SHANK2: variants seen among roughly 807,000 people sequenced by gnomAD.
SHANK2 encodes SH3 and multiple ankyrin repeat domains protein 2.
Under a neutral mutation model 133.7 loss-of-function variants are expected in SHANK2, and 43 were observed. The ratio of observed to expected loss-of-function variants is 0.32; its 90% CI spans 0.25 to 0.41. SHANK2 has a LOEUF of 0.41. Ranked by LOEUF, SHANK2 falls within the 10% of genes least tolerant of loss-of-function variation. SHANK2 has a pLI of 1.00. For missense variants in SHANK2, 1,994 were observed against 2,235.8 expected, an observed-to-expected ratio of 0.89 and a Z score of 2.18; for synonymous variants, 1,017 against 952.8, an observed-to-expected ratio of 1.07 and a Z score of -1.24.
intron 13 of SHANK2, among the ~76,000 whole-genome samples, 179 bp from the exon 14 acceptor site, chr11:70,798,735 C>T (rs527404373): frequency 6.6e-5 from 10 of 152,260 alleles, no homozygotes; most frequent in East Asian, 3.9e-4. Flanking sequence ...TAAGAGGCAC[C>T]GGGGCATCAC....
chr11:71,234,183 T>TTAA (rs1954792775), intron 1 of SHANK2, among the ~76,000 whole-genome samples: 1 of 35,472 alleles, frequency 2.8e-5, no homozygotes, highest in Non-Finnish European at 4.6e-5. Context: ...CCCTCTCTAC[T>TTAA]AAAAAAAAAA....
intron 8 of SHANK2, among the ~76,000 whole-genome samples, chr11:71,085,852 AT>A (rs1951392394): frequency 4.2e-3 from 8 of 1,886 alleles, no homozygotes; most frequent in Non-Finnish European, 5.7e-3. Flanking sequence ...AATAATATAT[AT>A]TGTTATTTTA....
chr11:70,943,899 C>T (rs1555084827), intron 10 of SHANK2: 1 of 455,758 alleles, frequency 2.2e-6, no homozygotes, highest in Non-Finnish European at 4.4e-6. Flanking sequence ...AAATAGCAAA[C>T]ATCTGATCAT....
rs181153352 is a variant in SHANK2 at position 71,228,028 on chromosome 11, A to G, written c.-112-3232T>C. Among the ~76,000 whole-genome samples, 481 of 152,296 alleles carry G rather than the reference A, an allele frequency of 3.2e-3. 3 individuals carry two copies. The highest frequency in any genetic ancestry group is 0.011 in the African/African-American group (462 of 41,582). ...AAACTCTAGCAAGACTGACCAAGAAAAAAAAACAACACAAATTACCAATAC... is the reference window on the plus strand; with the variant it reads ...AAACTCTAGCAAGACTGACCAAGAAGAAAAAACAACACAAATTACCAATAC... On this transcript the variant is annotated intron_variant, in intron 1 of 25. Coordinates refer to ENST00000601538, the MANE Select transcript of SHANK2 (RefSeq NM_012309.5).
At chr11:70,715,512 C>T (rs1945894458) in intron 14 of SHANK2, among the ~76,000 whole-genome samples, 1 of 152,148 alleles carries the variant, frequency 6.6e-6, no homozygotes, top group Non-Finnish European at 1.5e-5. Flanking sequence ...GTGATGCTTC[C>T]CAATTACCAC....
At chr11:70,936,019 G>A (rs1018808468) in intron 10 of SHANK2, among the ~76,000 whole-genome samples, 3 of 152,130 alleles carry the variant, frequency 2.0e-5, no homozygotes, top group Admixed American at 1.3e-4. Context: ...GGAGGCCTGC[G>A]GCTGAGGTCT....
rs1953719422 is a variant in SHANK2 at position 71,188,384 on chromosome 11, CCCTCA to C, written c.-13+36308_-13+36312del. ...ATGCCCAGGCCTCAGTACACACCAT[CCCTCA>C]GCAAGTTGTGCGTTCCCAACCAGGA... On this transcript the variant is annotated intron_variant, in intron 2 of 25. Coordinates refer to ENST00000601538, the MANE Select transcript of SHANK2 (RefSeq NM_012309.5). This position sits in a 1 kb window ranked among gnomAD's most constrained non-coding sequence, Gnocchi z 4.6. Among the ~76,000 whole-genome samples the C allele has an allele frequency of 6.6e-6, 1 of 152,160 alleles. No homozygotes were observed. The highest frequency in any genetic ancestry group is 6.5e-5 in the Admixed American group (1 of 15,272).
chr11:71,229,697 T>G (rs1555122703), intron 1 of SHANK2, among the ~76,000 whole-genome samples: 1 of 147,988 alleles, frequency 6.8e-6, no homozygotes, highest in African/African-American at 2.5e-5. Flanking sequence ...GAGTTGGAGG[T>G]TGCAGTGAGC....
At chr11:70,643,924 G>C (rs533923050) in intron 17 of SHANK2, among the ~76,000 whole-genome samples, 9 of 151,998 alleles carry the variant, frequency 5.9e-5, no homozygotes, top group Non-Finnish European at 1.3e-4. Flanking sequence ...TGGAGGGGGG[G>C]GAGGAACACA....
intron 17 of SHANK2, among the ~76,000 whole-genome samples, chr11:70,615,804 C>T (rs1433824464): frequency 4.6e-5 from 7 of 152,200 alleles, no homozygotes; most frequent in Non-Finnish European, 2.9e-5. Flanking sequence ...GAAGCCCACC[C>T]ACCCACAGGT....
intron 1 of SHANK2, among the ~76,000 whole-genome samples, chr11:71,246,474 C>G (rs933702589): frequency 2.0e-5 from 3 of 152,206 alleles, no homozygotes; most frequent in African/African-American, 7.2e-5. Flanking sequence ...ACTGCCTTCA[C>G]GTAAGTATCA....
rs1555012797 is a variant in SHANK2 at position 70,659,896 on chromosome 11, G to A, written c.1993C>T (p.Leu665=). The change falls in exon 17 of 26, where the codon CTG becomes TTG. Residue 665 remains leucine, a synonymous_variant. Transcript: ENST00000601538. ...PTPAFPALQY[L]ESVDEGGVAW... ...ACCCCACCTTCATCCACGGACTCCA[G>A]GTACTGTAGGGCTGGGAAAGCCGGT... 11 of 1,614,192 alleles carry A rather than the reference G, an allele frequency of 6.8e-6. No individual in the cohort carries two copies. The highest frequency in any genetic ancestry group is 7.6e-6 in the Non-Finnish European group (9 of 1,180,036).
At chr11:70,912,095 AAAAAAAAAAAAAAAAAAAAAG>A (rs1202227418) in intron 10 of SHANK2, among the ~76,000 whole-genome samples, 21 of 77,598 alleles carry the variant, frequency 2.7e-4, no homozygotes, top group African/African-American at 2.4e-3. Flanking sequence ...AAAAAAAAAA[AAAAAAAAAAAAAAAAAAAAAG>A]AAAGAAAGAA....
rs201156615 is a variant in SHANK2 at position 70,487,176 on chromosome 11, C to T, written c.3117G>A (p.Pro1039=). The change falls in exon 25 of 26, where the codon CCG becomes CCA. Residue 1039 remains proline (P), a synonymous_variant. Coordinates refer to ENST00000601538, the MANE Select transcript of SHANK2 (RefSeq NM_012309.5). This position sits in a 1 kb window ranked among gnomAD's most constrained non-coding sequence, Gnocchi z 5.8. The part of the protein sequence containing the change: ...IPIPTIIVKE[P]STSSSGKSSQ... ...TGCTCTTGCCGCTGCTGCTGGTGGA[C>T]GGCTCCTTCACGATGATGGTCGGGA... The T allele has an allele frequency of 2.6e-5, 42 of 1,613,384 alleles. No homozygotes were observed. In the South Asian group the frequency reaches 3.7e-4, roughly 14 times the overall value.
At chr11:70,741,231 GCATC>G (rs61208287) in intron 14 of SHANK2, among the ~76,000 whole-genome samples, 53,016 of 142,882 alleles carry the variant, frequency 0.37, 9,826 homozygotes, top group African/African-American at 0.43. Context: ...ATTTAACCAT[GCATC>G]CATCCATCCA....
At chr11:70,615,724 G>A (rs1490844664) in intron 17 of SHANK2, among the ~76,000 whole-genome samples, 1 of 152,226 alleles carries the variant, frequency 6.6e-6, no homozygotes, top group Non-Finnish European at 1.5e-5. Context: ...GGCGCGTGGT[G>A]AACCTGCTCC....
At chr11:70,592,558 C>G (rs1591622226) in intron 17 of SHANK2, among the ~76,000 whole-genome samples, 1 of 151,888 alleles carries the variant, frequency 6.6e-6, no homozygotes, top group South Asian at 2.1e-4. Flanking sequence ...CGGTGGCCCC[C>G]CTTCTGCCCA....
chr11:70,908,466 G>A (rs1950141726), intron 10 of SHANK2, among the ~76,000 whole-genome samples: 1 of 152,236 alleles, frequency 6.6e-6, no homozygotes, highest in African/African-American at 2.4e-5. Context: ...GCATGGGAGT[G>A]GCTGCACTTT....
In SHANK2 at chr11:70,502,206, C is replaced by T. The variant is rs782406863; in HGVS notation, c.2278G>A (p.Val760Met). Residue 760 changes from valine (V) to methionine (M), a missense_variant and splice_region_variant, in exon 19 of 26, where the codon GTG becomes ATG. Val to Met is a conservative substitution (Grantham distance 21). Coordinates refer to ENST00000601538, the MANE Select transcript of SHANK2 (RefSeq NM_012309.5). ...KSMTSELEEL[V>M]DKASVRKKKD... ...GGGCTGGGCCGGGTGTGCGACTTAC[C>T]GAGCTCCTCCAGCTCCGAGGTCATG... 3.4e-5 allele frequency: 53 copies of T among 1,555,654 alleles called. 1 individual carries two copies. Among genetic ancestry groups the T allele is most frequent in the South Asian group, 2.8e-4 (24 of 84,504 alleles).
Sources: allele counts gnomAD v4.1 joint callset (sites outside exome capture counted in the v4.1 genomes callset), GRCh38; gene constraint gnomAD v4.1.1; non-coding constraint Gnocchi (gnomAD v3.1); transcripts MANE v1.5; gene names NCBI Gene and HGNC (gene_info 2026-07-23, HGNC 2026-07-21).